The following ADAM9 variants were observed in gnomAD, a reference collection of about 807,000 sequenced individuals.
The protein encoded by ADAM9 is disintegrin and metalloproteinase domain-containing protein 9.
Under a neutral mutation model 108.1 loss-of-function variants are expected in ADAM9, and 54 were observed. The observed-to-expected ratio is 0.50, with a 90% confidence interval of 0.40 to 0.63. The LOEUF (loss-of-function observed/expected upper bound fraction) is 0.63. Ranked by LOEUF, ADAM9 falls within the 20% of genes least tolerant of loss-of-function variation. The pLI, the probability that ADAM9 is intolerant of heterozygous loss-of-function variation, is 0.00. For missense variants in ADAM9, 830 were observed against 997.7 expected, an observed-to-expected ratio of 0.83 and a Z score of 2.26; for synonymous variants, 316 against 336.0, an observed-to-expected ratio of 0.94 and a Z score of 0.65.
At chr8:39,045,038 A>C (rs36140993) in intron 12 of ADAM9, among the ~76,000 whole-genome samples, 9,561 of 62,574 alleles carry the variant, frequency 0.15, 1,164 homozygotes, top group East Asian at 0.24. Context: ...GCATACATAC[A>C]TATGTATGTG....
At chr8:39,005,251 G>A (rs754581331) in intron 1 of ADAM9, among the ~76,000 whole-genome samples, 11 of 152,068 alleles carry the variant, frequency 7.2e-5, no homozygotes, top group Non-Finnish European at 1.6e-4. Context: ...GTCACACAAC[G>A]TCATTATGCT....
intron 14 of ADAM9, among the ~76,000 whole-genome samples, chr8:39,058,194 G>T (rs572137489): frequency 6.6e-6 from 1 of 152,230 alleles, no homozygotes; most frequent in South Asian, 2.1e-4. Context: ...GCATGATAAA[G>T]GTATAAGGAA....
At chr8:39,041,694 T>C (rs1309205254) in intron 11 of ADAM9, among the ~76,000 whole-genome samples, 1 of 152,252 alleles carries the variant, frequency 6.6e-6, no homozygotes, top group Non-Finnish European at 1.5e-5. Context: ...TGTATTTCAA[T>C]GTAAGTGATA....
chr8:39,023,005 G>A (rs1386403079), intron 8 of ADAM9, 151 bp from the exon 9 acceptor site: 20 of 691,192 alleles, frequency 2.9e-5, no homozygotes, highest in Admixed American at 5.9e-5. Flanking sequence ...GAGCCACTGC[G>A]CCCCGCCCAA....
At chr8:39,045,570 G>GTATATATATA (rs146208883) in intron 12 of ADAM9, among the ~76,000 whole-genome samples, 4 of 95,208 alleles carry the variant, frequency 4.2e-5, no homozygotes, top group African/African-American at 1.3e-4. Flanking sequence ...GTGTGTGTGT[G>GTATATATATA]TATATATATA....
chr8:39,009,841 T>C (rs1232259725), intron 2 of ADAM9, among the ~76,000 whole-genome samples: 1 of 148,830 alleles, frequency 6.7e-6, no homozygotes, highest in East Asian at 2.0e-4. Context: ...AGACAAAAAT[T>C]TATGCCCTTG....
At position 39,102,686 on chromosome 8, in the gene ADAM9, C is replaced by T. The variant is rs568938421; in HGVS notation, c.2366+756C>T. On this transcript the variant is annotated intron_variant, in intron 21 of 21. Coordinates refer to ENST00000487273, the MANE Select transcript of ADAM9 (RefSeq NM_003816.3). The stretch of plus-strand genomic sequence containing the variant: ...CATAGAAACAGACTGAGATGGTATC[C>T]AGTTAATAGACATGGACTTTAAAAT... Among the ~76,000 whole-genome samples the T allele has an allele frequency of 4.6e-5, 7 of 152,200 alleles. No homozygotes were observed. The South Asian group carries it at 1.5e-3, about 32-fold the overall frequency.
chr8:39,022,097 T>TGAGAGA (rs940452007), intron 8 of ADAM9, among the ~76,000 whole-genome samples: 4 of 136,214 alleles, frequency 2.9e-5, no homozygotes, highest in South Asian at 2.2e-4. Flanking sequence ...TGTGTGTGTG[T>TGAGAGA]GAGAGAGAGA....
In ADAM9 at chr8:39,087,561, T is replaced by TTG. The variant is rs560594759; in HGVS notation, c.2069-2485_2069-2484dup. ...TGTTAATGTGTATGCATTTTTCCAA[T>TTG]TGAAGAATCAATTGCCAGTAATGAG... On this transcript the variant is annotated intron_variant, in intron 18 of 21. Coordinates refer to ENST00000487273, the MANE Select transcript of ADAM9 (RefSeq NM_003816.3). Among the ~76,000 whole-genome samples the TTG allele has an allele frequency of 1.5e-4, 23 of 152,360 alleles. No individual in the cohort carries two copies. In the South Asian group the frequency reaches 4.8e-3, roughly 32 times the overall value.
intron 12 of ADAM9, among the ~76,000 whole-genome samples, chr8:39,045,375 T>TAGGTGTGTCTACAC (rs1564301050): frequency 5.8e-5 from 1 of 17,324 alleles, no homozygotes; most frequent in African/African-American, 2.3e-4. Flanking sequence ...TGTGTGTACA[T>TAGGTGTGTCTACAC]ACACCTATAG....
At chr8:39,011,306 A>G (rs373365987) in intron 2 of ADAM9, among the ~76,000 whole-genome samples, 20 of 152,350 alleles carry the variant, frequency 1.3e-4, no homozygotes, top group Admixed American at 3.3e-4. Context: ...TCTTGAAACC[A>G]AGAGTTTCAT....
At chr8:39,045,459 T>C (rs868783685) in intron 12 of ADAM9, among the ~76,000 whole-genome samples, 3 of 147,830 alleles carry the variant, frequency 2.0e-5, no homozygotes, top group African/African-American at 7.8e-5. Flanking sequence ...CACACCTATA[T>C]GTGCGTGTGT....
intron 18 of ADAM9, among the ~76,000 whole-genome samples, chr8:39,083,518 T>C (rs1436164631): frequency 6.6e-6 from 1 of 152,232 alleles, no homozygotes; most frequent in African/African-American, 2.4e-5. Flanking sequence ...AGACATATTG[T>C]AACTTCTTTG....
chr8:39,045,326 G>GTGTGTGTACACCTATACA lies in ADAM9; in HGVS notation c.1302+3220_1302+3237dup, dbSNP rs1357561035. On this transcript the variant is annotated intron_variant, in intron 12 of 21. Transcript: ENST00000487273. Reference sequence around the variant, plus strand: ...TACATGTGTGTGTACACCTATACATGTGTGTGTACACCTATACATGTGTGT... The same window carrying GTGTGTGTACACCTATACA: ...TACATGTGTGTGTACACCTATACATGTGTGTGTACACCTATACATGTGTGTACACCTATACATGTGTGT... Among the ~76,000 whole-genome samples the GTGTGTGTACACCTATACA allele has an allele frequency of 1.5e-4, 22 of 145,016 alleles. 1 individual carries two copies. The highest frequency in any genetic ancestry group is 3.2e-4 in the Non-Finnish European group (21 of 65,836).
At position 39,080,520 on chromosome 8, in the gene ADAM9, C is replaced by T. The variant is rs117804217; in HGVS notation, c.1882-2121C>T. On this transcript the variant is annotated intron_variant, in intron 16 of 21. Coordinates refer to ENST00000487273, the MANE Select transcript of ADAM9 (RefSeq NM_003816.3). Reference sequence around the variant, plus strand: ...CATGCCGTTGAGACCATATACCACACGTTCTGTACAGCTGTAACTTTGTAA... The same window carrying T: ...CATGCCGTTGAGACCATATACCACATGTTCTGTACAGCTGTAACTTTGTAA... Among the ~76,000 whole-genome samples the T allele has an allele frequency of 2.0e-3, 304 of 152,260 alleles. 1 individual carries two copies. Among genetic ancestry groups the T allele is most frequent in the Admixed American group, 4.2e-3 (64 of 15,292 alleles).
chr8:39,064,118 A>G (rs151240267), intron 14 of ADAM9, among the ~76,000 whole-genome samples: 2 of 152,344 alleles, frequency 1.3e-5, no homozygotes, highest in East Asian at 1.9e-4. Context: ...TGAAGGCATC[A>G]TATACATAGT....
rs1286440267 is a variant in ADAM9, at chr8:39,047,449, GT to G, written c.1302+5337del. Among the ~76,000 whole-genome samples the G allele has an allele frequency of 9.1e-4, 139 of 151,974 alleles. 1 individual carries two copies. The highest frequency in any genetic ancestry group is 2.1e-4 in the Non-Finnish European group (14 of 67,978). On this transcript the variant is annotated intron_variant, in intron 12 of 21. Coordinates refer to ENST00000487273, the MANE Select transcript of ADAM9 (RefSeq NM_003816.3). ...GTCCTGTGCTTTTCTTTGCTAGGAG[GT>G]TTTTGATTACTGATTCATATCCTTA...
chr8:39,004,522 G>A (rs1836099412), intron 1 of ADAM9, among the ~76,000 whole-genome samples: 1 of 152,158 alleles, frequency 6.6e-6, no homozygotes, highest in Admixed American at 6.5e-5. Context: ...GCCAGCATAT[G>A]TAATCTTGTC....
At chr8:39,019,493 A>T (rs1392024627) in intron 7 of ADAM9, among the ~76,000 whole-genome samples, 1 of 152,182 alleles carries the variant, frequency 6.6e-6, no homozygotes, top group East Asian at 1.9e-4. Context: ...CATTTACAGG[A>T]TTATCAGTTT....
Sources: allele counts gnomAD v4.1 joint callset (sites outside exome capture counted in the v4.1 genomes callset), GRCh38; gene constraint gnomAD v4.1.1; transcripts MANE v1.5; gene names NCBI Gene and HGNC (gene_info 2026-07-23, HGNC 2026-07-21).